GTPBP8: variants seen among roughly 807,000 people sequenced by gnomAD.
GTPBP8 encodes GTP-binding protein 8.
A neutral mutation model predicts 27.3 loss-of-function variants in GTPBP8; 21 were observed. The ratio of observed to expected loss-of-function variants is 0.77; its 90% CI spans 0.55 to 1.11. GTPBP8 has a LOEUF of 1.11. GTPBP8 is among the 50% of genes least tolerant of loss of function. The pLI is 0.00. For synonymous variants in GTPBP8, 147 were observed against 135.3 expected (o/e 1.09, Z -0.60); for missense variants, 380 against 350.8 (o/e 1.08, Z -0.67).
chr3:112,998,316 T>G (rs1933825927), intron 4 of GTPBP8, among the ~76,000 whole-genome samples: 1 of 152,178 alleles, frequency 6.6e-6, no homozygotes, highest in South Asian at 2.1e-4. Context: ...AAGTTGGGGT[T>G]CCAACTACCC....
chr3:112,996,513 A>G (rs998318799), intron 3 of GTPBP8, among the ~76,000 whole-genome samples: 3 of 152,126 alleles, frequency 2.0e-5, no homozygotes, highest in Non-Finnish European at 2.9e-5. Context: ...TTTATAATTT[A>G]TGGTTCCTAT....
chr3:112,992,039 TA>T (rs1270663494), intron 1 of GTPBP8: 1 of 153,706 alleles, frequency 6.5e-6, no homozygotes, highest in African/African-American at 2.4e-5. Context: ...TGCCCAGAGA[TA>T]TTTCGTCTAA....
At chr3:112,997,940 A>G (rs1933818388) in intron 4 of GTPBP8, among the ~76,000 whole-genome samples, 1 of 152,254 alleles carries the variant, frequency 6.6e-6, no homozygotes, top group Non-Finnish European at 1.5e-5. Flanking sequence ...AGGAAATATT[A>G]CTTTCTTCGT....
chr3:112,996,985 T>C lies in GTPBP8; in HGVS notation c.660T>C (p.Pro220=). 6.9e-7 allele frequency: 1 copy of C among 1,447,528 alleles called. No homozygotes were observed. The highest frequency in any genetic ancestry group is 1.1e-5 in the South Asian group (1 of 87,324). 89.7% of individuals were successfully genotyped at this position (1,447,528 alleles called of 1,614,324 possible). Reference sequence around the variant, plus strand: ...AAATGTGTGAAGAATTTGCATTACCTTATGTGGTAAGTACTTCCTTTGAAT... The same window carrying C: ...AAATGTGTGAAGAATTTGCATTACCCTATGTGGTAAGTACTTCCTTTGAAT... The part of the protein sequence containing the change: ...AIEMCEEFAL[P]YVIVLTKIDK... The change falls in exon 4 of 6, where the codon CCT becomes CCC. Residue 220 remains proline (P), a synonymous_variant. Transcript: ENST00000383678.
intron 3 of GTPBP8, among the ~76,000 whole-genome samples, chr3:112,995,884 G>A (rs985982980): frequency 5.3e-5 from 8 of 152,088 alleles, no homozygotes; most frequent in Non-Finnish European, 1.2e-4. Flanking sequence ...TTTTGAAAAT[G>A]AAAATTGTTG....
In GTPBP8 at chr3:112,999,508, C is replaced by T. The variant is rs1209853307; in HGVS notation, c.729C>T (p.Ile243=). The T allele has an allele frequency of 1.9e-6, 3 of 1,541,898 alleles. No individual in the cohort carries two copies. The highest frequency in any genetic ancestry group is 1.8e-6 in the Non-Finnish European group (2 of 1,130,568). Residue 243 remains isoleucine, a synonymous_variant, in exon 5 of 6, where the codon ATC becomes ATT. Transcript: ENST00000383678. ...KGHLLKQVLQ[I]QKFVNMKTQG... ...ATCTTTTAAAACAAGTGCTTCAGAT[C>T]CAGAAATTTGTTAACATGAAAACTC...
chr3:112,997,041 G>A (rs754568290), intron 4 of GTPBP8, 50 bp downstream of exon 4: 48 of 828,200 alleles, frequency 5.8e-5, no homozygotes, highest in African/African-American at 3.2e-4. Context: ...TCAGTTCTAC[G>A]TGCATCTGTG....
chr3:112,991,243 G>A lies in GTPBP8; in HGVS notation c.244G>A (p.Asp82Asn). The A allele has an allele frequency of 1.9e-6, 3 of 1,614,114 alleles. No individual in the cohort carries two copies. The highest frequency in any genetic ancestry group is 2.2e-5 in the South Asian group (2 of 91,084). Residue 82 changes from aspartate to asparagine, a missense_variant, in exon 1 of 6, where the codon GAC becomes AAC. Transcript: ENST00000383678. ...AAGCCCGGAGGACATAGCCAGGGCG[G>A]ACAACATCTTCACGGCCACTGAACG... ...DPSPEDIARA[D>N]NIFTATERNR...
At chr3:112,992,524 G>T (rs1488189) in intron 1 of GTPBP8, 1 of 152,778 alleles carries the variant, frequency 6.5e-6, no homozygotes, top group Non-Finnish European at 1.5e-5. Flanking sequence ...TGGAACAAGA[G>T]AGGTCAAGGG....
At chr3:112,994,876 T>C (rs1008410392) in intron 2 of GTPBP8, among the ~76,000 whole-genome samples, 1 of 152,152 alleles carries the variant, frequency 6.6e-6, no homozygotes, top group Non-Finnish European at 1.5e-5. Context: ...TTTGCCTACA[T>C]GTTTCTAATA....
intron 4 of GTPBP8, among the ~76,000 whole-genome samples, 181 bp from the exon 5 acceptor site, chr3:112,999,265 C>T (rs1576168510): frequency 6.6e-6 from 1 of 152,160 alleles, no homozygotes; most frequent in Non-Finnish European, 1.5e-5. Context: ...CACACATTTG[C>T]TCATTTAATC....
Position 113,001,149 on chromosome 3 carries a change from G to T in GTPBP8, c.*230G>T. The T allele has an allele frequency of 2.5e-6, 1 of 405,142 alleles. No individual in the cohort carries two copies. Among genetic ancestry groups the T allele is most frequent in the Non-Finnish European group, 4.4e-6 (1 of 226,584 alleles). 25.1% of individuals were successfully genotyped at this position (405,142 alleles called of 1,614,324 possible). A position where few individuals can be genotyped will look rare whatever the true frequency, so the allele number is the denominator to read the frequency against. On this transcript the variant is annotated 3_prime_UTR_variant, in exon 6 of 6. Transcript: ENST00000383678. Reference sequence around the variant, plus strand: ...GTGTTCATTAGAACAGCTACTAGCTGATTCCCCTATTTTAACAAACTGACA... The same window carrying T: ...GTGTTCATTAGAACAGCTACTAGCTTATTCCCCTATTTTAACAAACTGACA...
chr3:112,998,383 G>A (rs1220122124), intron 4 of GTPBP8, among the ~76,000 whole-genome samples: 1 of 152,126 alleles, frequency 6.6e-6, no homozygotes, highest in Admixed American at 6.6e-5. Flanking sequence ...CATGTTTTCT[G>A]ATGGTATTAT....
At chr3:112,997,655 A>T (rs1933811250) in intron 4 of GTPBP8, among the ~76,000 whole-genome samples, 1 of 152,230 alleles carries the variant, frequency 6.6e-6, no homozygotes, top group Non-Finnish European at 1.5e-5. Context: ...TTTCAAAAAG[A>T]TGTCAGCCAC....
intron 4 of GTPBP8, among the ~76,000 whole-genome samples, chr3:112,999,171 T>A (rs983545987): frequency 1.3e-5 from 2 of 152,246 alleles, no homozygotes; most frequent in African/African-American, 2.4e-5. Context: ...AGGACCCTTC[T>A]CATTGATCTT....
rs908971211 is a variant in GTPBP8 at position 113,001,566 on chromosome 3, A to G, written c.*647A>G. On this transcript the variant is annotated 3_prime_UTR_variant, in exon 6 of 6. Coordinates refer to ENST00000383678, the MANE Select transcript of GTPBP8 (RefSeq NM_014170.4). ...AAACGTGAAAGCTATTAAGATTCAA[A>G]TGAATGGTTTTACAGCAGGTAACAT... 1.3e-5 allele frequency: 2 copies of G among 152,228 alleles called. No individual in the cohort carries two copies. Among genetic ancestry groups the G allele is most frequent in the Non-Finnish European group, 2.9e-5 (2 of 68,030 alleles). The allele number at this position is 152,228 out of a possible 1,614,324, so 9.4% of individuals were successfully genotyped here. A position where few individuals can be genotyped will look rare whatever the true frequency, so the allele number is the denominator to read the frequency against.
chr3:112,994,648 A>G (rs1470003654), intron 2 of GTPBP8, among the ~76,000 whole-genome samples: 1 of 152,202 alleles, frequency 6.6e-6, no homozygotes, highest in Non-Finnish European at 1.5e-5. Flanking sequence ...TTAGGGAAGC[A>G]ATAGTCTAGG....
rs576308929 is a variant in GTPBP8, at chr3:112,995,379, T to C, written c.566+114T>C. On this transcript the variant is annotated intron_variant, in intron 3 of 5. Coordinates refer to ENST00000383678, the MANE Select transcript of GTPBP8 (RefSeq NM_014170.4). The stretch of plus-strand genomic sequence containing the variant: ...CAGTTTTATCAAATGACTTATTTTA[T>C]AAGGTCCATTTTATTCTCATAATAT... 4.9e-4 allele frequency: 314 copies of C among 645,818 alleles called. 5 individuals are homozygous for C. In the South Asian group the frequency reaches 7.4e-3, roughly 15 times the overall value. 40.0% of individuals were successfully genotyped at this position (645,818 alleles called of 1,614,324 possible).
At position 112,991,298 on chromosome 3, in the gene GTPBP8, T is replaced by A. The variant is rs146180102; in HGVS notation, c.299T>A (p.Val100Asp). 1.2e-6 allele frequency: 2 copies of A among 1,613,538 alleles called. No homozygotes were observed. Among genetic ancestry groups the A allele is most frequent in the Non-Finnish European group, 1.7e-6 (2 of 1,180,026 alleles). The change falls in exon 1 of 6, where the codon GTC becomes GAC. Residue 100 changes from valine (V) to aspartate (D), a missense_variant. By Grantham distance (152) the Val-to-Asp change is radical. Coordinates refer to ENST00000383678, the MANE Select transcript of GTPBP8 (RefSeq NM_014170.4). ...RNRIDYVSSA[V>D]RIDHAPDLPR... ...CGCATCGACTACGTCAGCTCCGCCG[T>A]CCGTATCGACCACGCCCCGGACCTT...
Sources: allele counts gnomAD v4.1 joint callset (sites outside exome capture counted in the v4.1 genomes callset), GRCh38; gene constraint gnomAD v4.1.1; transcripts MANE v1.5; gene names NCBI Gene and HGNC (gene_info 2026-07-23, HGNC 2026-07-21).